Variants in TRMT44 observed in about 807,000 individuals in gnomAD.
The protein encoded by TRMT44 is probable tRNA (uracil-O(2)-)-methyltransferase.
In TRMT44, 78 loss-of-function variants were observed where a neutral mutation model predicts 77.3. The observed-to-expected ratio is 1.01, with a 90% CI of 0.84 to 1.22. The LOEUF (loss-of-function observed/expected upper bound fraction) is 1.22, where lower values mean the gene tolerates loss of function less well. TRMT44 is among the 50% of genes most tolerant of loss of function. TRMT44 has a pLI of 0.00. For synonymous variants in TRMT44, 391 were observed against 383.3 expected (o/e 1.02, Z -0.23); for missense variants, 1,090 against 964.4 (o/e 1.13, Z -1.73).
At chr4:8,448,853 T>C (rs1053257344) in intron 2 of TRMT44, among the ~76,000 whole-genome samples, 4 of 152,230 alleles carry the variant, frequency 2.6e-5, no homozygotes, top group African/African-American at 9.6e-5. Context: ...TCAGCACACT[T>C]GTGAGGCCCT....
chr4:8,458,961 G>A (rs1725982619), intron 6 of TRMT44, among the ~76,000 whole-genome samples: 1 of 151,858 alleles, frequency 6.6e-6, no homozygotes, highest in African/African-American at 2.4e-5. Flanking sequence ...CTCTTTGGGA[G>A]GCCAAGGCAT....
chr4:8,449,929 A>ATTTTC lies in TRMT44; in HGVS notation c.954+61_954+65dup, dbSNP rs749712570. 1,745 of 243,504 alleles carry ATTTTC rather than the reference A, an allele frequency of 7.2e-3. 100 individuals are homozygous for ATTTTC. Among genetic ancestry groups the ATTTTC allele is most frequent in the African/African-American group, 0.052 (737 of 14,186 alleles). The allele number at this position is 243,504 out of a possible 1,614,324, so 15.1% of individuals were successfully genotyped here. On this transcript the variant is annotated intron_variant, in intron 3 of 10. Coordinates refer to ENST00000389737, the MANE Select transcript of TRMT44 (RefSeq NM_152544.3). ...AATATCTGATTTTTCCCCCTTCATG[A>ATTTTC]TTTTCTTTTCTTTTCTTTTCTTTTT...
At chr4:8,456,361 G>A (rs1341613635) in intron 6 of TRMT44, among the ~76,000 whole-genome samples, 1 of 152,172 alleles carries the variant, frequency 6.6e-6, no homozygotes, top group Non-Finnish European at 1.5e-5. Flanking sequence ...TAAACCTCGA[G>A]TAGCACTGCA....
the TRMT44 span, chr4:8,511,973 T>C: frequency 6.6e-6 from 1 of 152,228 alleles, no homozygotes; most frequent in African/African-American, 2.4e-5. Context: ...AATCTATCCC[T>C]GCAATAGATC....
At chr4:8,487,644 G>C (rs953178109) in intron 2 of TRMT44, among the ~76,000 whole-genome samples, 1 of 152,082 alleles carries the variant, frequency 6.6e-6, no homozygotes, top group Non-Finnish European at 1.5e-5. Context: ...GGAAATAAGG[G>C]ATTGGGGGTT....
chr4:8,473,039 G>T (rs1727128356), intron 10 of TRMT44, among the ~76,000 whole-genome samples: 1 of 152,222 alleles, frequency 6.6e-6, no homozygotes, highest in Admixed American at 6.5e-5. Flanking sequence ...CTGGGAATTG[G>T]GTTCCAAATA....
chr4:8,515,828 C>T, the TRMT44 span, among the ~76,000 whole-genome samples: 1 of 152,222 alleles, frequency 6.6e-6, no homozygotes, highest in East Asian at 1.9e-4. Context: ...AGGGCTGTGC[C>T]CACTTGGTGA....
chr4:8,459,015 G>A (rs1725985321), intron 6 of TRMT44, among the ~76,000 whole-genome samples: 1 of 150,892 alleles, frequency 6.6e-6, no homozygotes, highest in Non-Finnish European at 1.5e-5. Context: ...CCAGGGCAAC[G>A]TGGCAAAATC....
intron 2 of TRMT44, among the ~76,000 whole-genome samples, chr4:8,448,470 G>T (rs1309518579): frequency 6.6e-6 from 1 of 152,210 alleles, no homozygotes; most frequent in Non-Finnish European, 1.5e-5. Context: ...GAAGGGACAT[G>T]GAAGAGAGGC....
downstream of TRMT44, among the ~76,000 whole-genome samples, chr4:8,498,129 CTTCTCCGGGGTT>C (rs892888871): frequency 5.9e-5 from 9 of 152,078 alleles, no homozygotes; most frequent in African/African-American, 1.9e-4. This position sits in a 1 kb window ranked among gnomAD's most constrained non-coding sequence, Gnocchi z 4.3. Context: ...GTGGGTTCCC[CTTCTCCGGGGTT>C]TTCTCCTCAA....
intron 8 of TRMT44, among the ~76,000 whole-genome samples, chr4:8,466,583 C>T (rs371772309): frequency 1.3e-5 from 2 of 152,242 alleles, no homozygotes; most frequent in African/African-American, 2.4e-5. Flanking sequence ...TGAACCGTCC[C>T]GTCATCCTCT....
chr4:8,460,562 CACTCT>C (rs1487991274), intron 6 of TRMT44, among the ~76,000 whole-genome samples: 1 of 129,694 alleles, frequency 7.7e-6, no homozygotes, highest in African/African-American at 2.9e-5. Flanking sequence ...CTGTTGGCCT[CACTCT>C]TTTTTTTTTT....
intron 2 of TRMT44, among the ~76,000 whole-genome samples, chr4:8,489,810 C>T (rs1727938133): frequency 6.6e-6 from 1 of 152,124 alleles, no homozygotes; most frequent in Non-Finnish European, 1.5e-5. Context: ...TAGGCTTTGC[C>T]CCAAACTCAA....
rs1725041334 is a variant in TRMT44 at position 8,446,134 on chromosome 4, G to A, written c.620-342G>A. 6.6e-6 allele frequency among the ~76,000 whole-genome samples: 1 copy of A among 152,196 alleles called. No homozygotes were observed. The highest frequency in any genetic ancestry group is 1.9e-4 in the East Asian group (1 of 5,200). On this transcript the variant is annotated intron_variant, in intron 1 of 10. Transcript: ENST00000389737. The surrounding 1 kb of genome is among the most constrained non-coding windows in gnomAD (Gnocchi z 4.3). ...GCTCACACTCGAAGATCATGGTCAG[G>A]CTGTGGCAGACACTCAGTTAGGGCA...
chr4:8,454,674 A>T, intron 5 of TRMT44, 68 bp from the exon 6 acceptor site: 1 of 1,490,476 alleles, frequency 6.7e-7, no homozygotes, highest in Non-Finnish European at 9.4e-7. Context: ...CAGAACTTTA[A>T]TGTGTTCTTG....
At chr4:8,494,386 C>T (rs571459088), downstream of TRMT44, among the ~76,000 whole-genome samples, 12 of 152,302 alleles carry the variant, frequency 7.9e-5, no homozygotes, top group African/African-American at 2.6e-4. Context: ...CTCTGCTCAC[C>T]TGAGACAAAT....
chr4:8,451,021 G>T lies in TRMT44; in HGVS notation c.955-939G>T, dbSNP rs1398477685. On this transcript the variant is annotated intron_variant, in intron 3 of 10. Transcript: ENST00000389737. This position sits in a 1 kb window ranked among gnomAD's most constrained non-coding sequence, Gnocchi z 4.1. ...GGGCTCAAGTGTTCTGCCTGCTTTG[G>T]CCTCCTAAAGTGCTTGGATTACAGG... Among the ~76,000 whole-genome samples, 1 of 151,256 alleles carries T rather than the reference G, an allele frequency of 6.6e-6. No homozygotes were observed. Among genetic ancestry groups the T allele is most frequent in the Non-Finnish European group, 1.5e-5 (1 of 67,804 alleles).
the TRMT44 span, chr4:8,511,788 G>A: frequency 3.3e-5 from 5 of 151,104 alleles, no homozygotes; most frequent in South Asian, 1.1e-3. Context: ...CAAAAACTTC[G>A]ATTTAAAACT....
chr4:8,480,097 A>T (rs550331394), downstream of TRMT44, among the ~76,000 whole-genome samples: 2 of 152,202 alleles, frequency 1.3e-5, no homozygotes, highest in East Asian at 3.9e-4. Context: ...GGGGTGGCGA[A>T]TATTTGAGTT....
Sources: gnomAD v4.1 joint callset for allele counts (sites outside exome capture counted in the v4.1 genomes callset) on GRCh38, gnomAD v4.1.1 for gene constraint, Gnocchi (gnomAD v3.1) non-coding constraint, MANE v1.5 for transcripts, NCBI Gene and HGNC (gene_info 2026-07-23, HGNC 2026-07-21) for gene names.